Variants in ATL1 observed in about 807,000 individuals in gnomAD.
The protein encoded by ATL1 is atlastin GTPase 1.
In ATL1, 31 loss-of-function variants were observed where a neutral mutation model predicts 75.5. That is an observed-to-expected ratio of 0.41 (90% CI 0.31 to 0.55). The LOEUF is 0.55. Ranked by LOEUF, ATL1 falls within the 20% of genes least tolerant of loss-of-function variation. ATL1 has a pLI of 0.27. For missense variants in ATL1, 405 were observed against 662.6 expected (o/e 0.61, Z 4.27); for synonymous variants, 226 against 233.3 (o/e 0.97, Z 0.28).
intron 6 of ATL1, among the ~76,000 whole-genome samples, 192 bp from the exon 7 acceptor site, chr14:50,613,067 T>C (rs2039381079): frequency 6.6e-6 from 1 of 152,164 alleles, no homozygotes; most frequent in Admixed American, 6.6e-5. Context: ...TCACATTTAA[T>C]GGAAATATGT....
intron 1 of ATL1, among the ~76,000 whole-genome samples, chr14:50,553,398 G>A (rs909458110): frequency 5.3e-5 from 8 of 151,740 alleles, no homozygotes; most frequent in Admixed American, 3.3e-4. Flanking sequence ...AAACCACAAT[G>A]AGATACAACC....
At chr14:50,556,549 G>T (rs2038767799), upstream of ATL1, among the ~76,000 whole-genome samples, 1 of 152,140 alleles carries the variant, frequency 6.6e-6, no homozygotes, top group African/African-American at 2.4e-5. Flanking sequence ...CCCAAGAGTT[G>T]TGCAAAGTTG....
chr14:50,624,484 G>A (rs1210456354), intron 11 of ATL1, among the ~76,000 whole-genome samples: 1 of 152,004 alleles, frequency 6.6e-6, no homozygotes, highest in Non-Finnish European at 1.5e-5. Flanking sequence ...CGATAAATGT[G>A]TTTTCTGACT....
chr14:50,627,683 C>T (rs17122701), intron 11 of ATL1, among the ~76,000 whole-genome samples: 26,498 of 152,066 alleles, frequency 0.17, 2,767 homozygotes, highest in African/African-American at 0.29. Flanking sequence ...TTTGGATATA[C>T]GTAGTTTTCT....
intron 1 of ATL1, among the ~76,000 whole-genome samples, chr14:50,534,672 ACT>A (rs772048208): frequency 4.6e-5 from 7 of 152,094 alleles, no homozygotes; most frequent in Non-Finnish European, 7.4e-5. Flanking sequence ...AAAAGTCAAG[ACT>A]CTATGTGGTG....
chr14:50,621,178 A>T (rs957649107), intron 9 of ATL1, among the ~76,000 whole-genome samples: 12 of 152,142 alleles, frequency 7.9e-5, no homozygotes, highest in African/African-American at 2.9e-4. Context: ...TTAAATTTGC[A>T]TTTACCTGTT....
At chr14:50,579,119 C>T (rs8010831) in intron 1 of ATL1, among the ~76,000 whole-genome samples, 30,577 of 152,054 alleles carry the variant, frequency 0.2, 3,521 homozygotes, top group South Asian at 0.36. Context: ...CTTTTGTCCA[C>T]TTCTCCTCCA....
intron 1 of ATL1, among the ~76,000 whole-genome samples, chr14:50,549,509 T>C (rs1319331610): frequency 1.3e-5 from 2 of 152,136 alleles, no homozygotes; most frequent in Non-Finnish European, 2.9e-5. Context: ...GGGAAAGGCA[T>C]ACCTTAACCT....
At chr14:50,631,754 A>G (rs1384148741) in intron 13 of ATL1, among the ~76,000 whole-genome samples, 3 of 152,358 alleles carry the variant, frequency 2.0e-5, no homozygotes, top group Non-Finnish European at 4.4e-5. Flanking sequence ...GAAGGACACC[A>G]TATGTGCTTA....
At chr14:50,579,896 G>A (rs754193612) in intron 1 of ATL1, among the ~76,000 whole-genome samples, 2 of 152,074 alleles carry the variant, frequency 1.3e-5, no homozygotes, top group Non-Finnish European at 2.9e-5. Flanking sequence ...CTAAGAGCTG[G>A]TTATTAAACA....
chr14:50,611,497 G>A (rs944257746), intron 6 of ATL1, among the ~76,000 whole-genome samples: 1 of 152,110 alleles, frequency 6.6e-6, no homozygotes, highest in African/African-American at 2.4e-5. Context: ...GTAGAAGGAA[G>A]GGAGGAGTGG....
chr14:50,629,450 G>A (rs565547984), intron 12 of ATL1, among the ~76,000 whole-genome samples: 5 of 151,946 alleles, frequency 3.3e-5, no homozygotes, highest in South Asian at 4.2e-4. Flanking sequence ...TCATAGTGGC[G>A]CATGCCTGTA....
rs45570436 is a variant in ATL1, at chr14:50,595,552, G to C, written c.574-24G>C. On this transcript the variant is annotated intron_variant, in intron 5 of 13. Coordinates refer to ENST00000358385, the MANE Select transcript of ATL1 (RefSeq NM_015915.5). Reference sequence around the variant, plus strand: ...TCTCTCTCTCTCTCTCTGTGTATGTGTGTGTGTGTAATTTTTTTTCTAGCT... The same window carrying C: ...TCTCTCTCTCTCTCTCTGTGTATGTCTGTGTGTGTAATTTTTTTTCTAGCT... 0.043 allele frequency: 68,904 copies of C among 1,607,876 alleles called. 1,742 individuals are homozygous for C. The highest frequency in any genetic ancestry group is 0.059 in the Middle Eastern group (354 of 6,048).
At chr14:50,555,509 C>G (rs1306407024), upstream of ATL1, among the ~76,000 whole-genome samples, 1 of 152,190 alleles carries the variant, frequency 6.6e-6, no homozygotes, top group Non-Finnish European at 1.5e-5. Flanking sequence ...GTTTGAAACT[C>G]CTGAGCTCAG....
At chr14:50,595,118 G>A (rs1424624686) in intron 5 of ATL1, among the ~76,000 whole-genome samples, 1 of 151,740 alleles carries the variant, frequency 6.6e-6, no homozygotes, top group Non-Finnish European at 1.5e-5. Flanking sequence ...AAGCCATTGT[G>A]CCATTAAATT....
chr14:50,544,319 A>C (rs994448352), intron 1 of ATL1, among the ~76,000 whole-genome samples: 1 of 152,212 alleles, frequency 6.6e-6, no homozygotes, highest in South Asian at 2.1e-4. Flanking sequence ...TGTCCTTACT[A>C]TCAGAACCAC....
At chr14:50,594,198 C>A (rs972412538) in intron 5 of ATL1, among the ~76,000 whole-genome samples, 4 of 152,140 alleles carry the variant, frequency 2.6e-5, no homozygotes, top group Non-Finnish European at 5.9e-5. Flanking sequence ...AAATGCCAAG[C>A]GAAGTGGGAG....
chr14:50,596,348 A>AAT (rs1215859344), intron 6 of ATL1, among the ~76,000 whole-genome samples: 1 of 152,170 alleles, frequency 6.6e-6, no homozygotes, highest in Non-Finnish European at 1.5e-5. Context: ...ATAGCCTCAA[A>AAT]ATATATAAAG....
chr14:50,616,478 ATTTATTTAT>A (rs2039417004), intron 8 of ATL1, among the ~76,000 whole-genome samples: 1 of 149,574 alleles, frequency 6.7e-6, no homozygotes, highest in African/African-American at 2.5e-5. Context: ...TTATTTATTT[ATTTATTTAT>A]TTATTTATTT....
Sources: gnomAD v4.1 joint callset for allele counts (sites outside exome capture counted in the v4.1 genomes callset) on GRCh38, gnomAD v4.1.1 for gene constraint, MANE v1.5 for transcripts, NCBI Gene and HGNC (gene_info 2026-07-23, HGNC 2026-07-21) for gene names.